Variants in FRMD3 observed in about 807,000 individuals in gnomAD.
FRMD3 encodes the protein FERM domain-containing protein 3.
A neutral mutation model predicts 70.2 loss-of-function variants in FRMD3; 33 were observed. The observed-to-expected ratio is 0.47, with a 90% CI of 0.36 to 0.63. The LOEUF (loss-of-function observed/expected upper bound fraction) is 0.63. Among genes scored for constraint, FRMD3 ranks in the 20% least tolerant of loss-of-function variants. The pLI, the probability that FRMD3 is intolerant of heterozygous loss-of-function variation, is 0.00. For synonymous variants in FRMD3, 279 were observed against 255.9 expected, an observed-to-expected ratio of 1.09 and a Z score of -0.86; for missense variants, 632 against 711.4, an observed-to-expected ratio of 0.89 and a Z score of 1.27.
chr9:83,522,567 T>A (rs1036211763), intron 1 of FRMD3, among the ~76,000 whole-genome samples: 171 of 14,222 alleles, frequency 0.012, no homozygotes, highest in Non-Finnish European at 0.018. Flanking sequence ...ATATATATAA[T>A]TTTTTTTTTT....
rs2118475814 is a variant in FRMD3 at position 83,246,818 on chromosome 9, A to C, written c.*1100T>G. 1 of 985,290 alleles carries C rather than the reference A, an allele frequency of 1.0e-6. No homozygotes were observed. The highest frequency in any genetic ancestry group is 1.7e-5 in the African/African-American group (1 of 57,350). 61.0% of individuals were successfully genotyped at this position (985,290 alleles called of 1,614,324 possible). A position where few individuals can be genotyped will look rare whatever the true frequency, so the allele number is the denominator to read the frequency against. The stretch of plus-strand genomic sequence containing the variant: ...CACTTAAACATGTTCATGTTAACTC[A>C]GACAGCGACTGCACTGCTCTTCACA... On this transcript the variant is annotated 3_prime_UTR_variant, in exon 14 of 14. Coordinates refer to ENST00000304195, the MANE Select transcript of FRMD3 (RefSeq NM_174938.6).
intron 6 of FRMD3, among the ~76,000 whole-genome samples, chr9:83,322,044 C>A (rs546323914): frequency 2.0e-5 from 3 of 152,034 alleles, no homozygotes; most frequent in African/African-American, 4.8e-5. Flanking sequence ...ACTCGGCCCA[C>A]GGTGGAGTGC....
At chr9:83,448,833 C>T (rs1479043278) in intron 1 of FRMD3, among the ~76,000 whole-genome samples, 2 of 152,182 alleles carry the variant, frequency 1.3e-5, no homozygotes, top group African/African-American at 2.4e-5. Flanking sequence ...GTTACCTCTT[C>T]GAATGCTTTT....
At chr9:83,461,576 A>G (rs1827971806) in intron 1 of FRMD3, among the ~76,000 whole-genome samples, 2 of 151,878 alleles carry the variant, frequency 1.3e-5, no homozygotes, top group East Asian at 1.9e-4. Flanking sequence ...AGGTCCAAGA[A>G]AAAGCAGCAT....
chr9:83,263,508 G>A (rs1311254476), intron 13 of FRMD3, among the ~76,000 whole-genome samples: 1 of 152,094 alleles, frequency 6.6e-6, no homozygotes, highest in Non-Finnish European at 1.5e-5. Context: ...GCAAAACGTT[G>A]GAAGAATTCC....
At chr9:83,459,126 C>G (rs1370242237) in intron 1 of FRMD3, among the ~76,000 whole-genome samples, 1 of 152,182 alleles carries the variant, frequency 6.6e-6, no homozygotes, top group Non-Finnish European at 1.5e-5. Flanking sequence ...TGTGTGACAT[C>G]ATGCAAGAGG....
intron 1 of FRMD3, among the ~76,000 whole-genome samples, chr9:83,528,161 C>G (rs1026150437): frequency 6.6e-6 from 1 of 152,136 alleles, no homozygotes; most frequent in Non-Finnish European, 1.5e-5. Context: ...GGTCTCAAAA[C>G]AAGACACAGC....
chr9:83,563,175 C>T, the FRMD3 span, among the ~76,000 whole-genome samples: 1 of 152,088 alleles, frequency 6.6e-6, no homozygotes, highest in Non-Finnish European at 1.5e-5. Flanking sequence ...AGTTCAGGGG[C>T]TTCCCAAGTT....
the FRMD3 span, among the ~76,000 whole-genome samples, chr9:83,563,050 A>G: frequency 2.0e-5 from 3 of 152,166 alleles, no homozygotes; most frequent in Admixed American, 1.3e-4. Flanking sequence ...AGACGCAAAG[A>G]TACGCAGTAT....
chr9:83,338,214 A>G (rs1823641282), intron 5 of FRMD3, among the ~76,000 whole-genome samples: 1 of 152,230 alleles, frequency 6.6e-6, no homozygotes, highest in Non-Finnish European at 1.5e-5. Context: ...GTTACTTTAT[A>G]CCTATAACAT....
intron 6 of FRMD3, among the ~76,000 whole-genome samples, chr9:83,318,660 G>T (rs1267282987): frequency 6.6e-6 from 1 of 151,962 alleles, no homozygotes; most frequent in Admixed American, 6.6e-5. Flanking sequence ...TATACACAAA[G>T]GGAAAATAGT....
chr9:83,556,002 C>T, the FRMD3 span, among the ~76,000 whole-genome samples: 2 of 152,170 alleles, frequency 1.3e-5, no homozygotes, highest in African/African-American at 4.8e-5. Flanking sequence ...TTTCTTCATT[C>T]TCTGTGGGTC....
At chr9:83,384,176 C>A (rs1825443145) in intron 2 of FRMD3, among the ~76,000 whole-genome samples, 1 of 152,192 alleles carries the variant, frequency 6.6e-6, no homozygotes, top group South Asian at 2.1e-4. Flanking sequence ...TCTTTAATAC[C>A]TTTTGAAACG....
chr9:83,469,273 G>A lies in FRMD3; in HGVS notation c.147+68812C>T, dbSNP rs1828208533. 2.0e-5 allele frequency among the ~76,000 whole-genome samples: 3 copies of A among 152,204 alleles called. No homozygotes were observed. In the South Asian group the frequency reaches 6.2e-4, roughly 31 times the overall value. ...GAGTGGTAAGTAGCAGTTCGCTGCT[G>A]AGGGTCTGCTATTCAGGTCACTCTA... On this transcript the variant is annotated intron_variant, in intron 1 of 13. Coordinates refer to ENST00000304195, the MANE Select transcript of FRMD3 (RefSeq NM_174938.6).
At chr9:83,374,059 C>A (rs1825067616) in intron 2 of FRMD3, among the ~76,000 whole-genome samples, 1 of 152,180 alleles carries the variant, frequency 6.6e-6, no homozygotes. Context: ...CCTACCACTC[C>A]ACTTACAAAT....
chr9:83,359,835 C>T (rs1157439630), intron 3 of FRMD3, among the ~76,000 whole-genome samples: 1 of 152,138 alleles, frequency 6.6e-6, no homozygotes, highest in African/African-American at 2.4e-5. Flanking sequence ...TGCGTAGAGA[C>T]CACAATGAGG....
intron 3 of FRMD3, among the ~76,000 whole-genome samples, chr9:83,370,464 A>G (rs1824935218): frequency 6.6e-6 from 1 of 152,200 alleles, no homozygotes; most frequent in Admixed American, 6.5e-5. Context: ...GGTGGTGGGT[A>G]AGACCCTTGC....
At chr9:83,530,461 T>C (rs777709915) in intron 1 of FRMD3, among the ~76,000 whole-genome samples, 18 of 152,144 alleles carry the variant, frequency 1.2e-4, no homozygotes, top group Non-Finnish European at 2.4e-4. Flanking sequence ...AGGAAGTAGA[T>C]TAGTGGTTGC....
chr9:83,366,629 G>C (rs894480221), intron 3 of FRMD3, among the ~76,000 whole-genome samples: 3 of 152,102 alleles, frequency 2.0e-5, no homozygotes, highest in Non-Finnish European at 4.4e-5. Flanking sequence ...GAAGTGACAA[G>C]ATTAAATGCT....
Sources: gnomAD v4.1 joint callset for allele counts (sites outside exome capture counted in the v4.1 genomes callset) on GRCh38, gnomAD v4.1.1 for gene constraint, MANE v1.5 for transcripts, NCBI Gene and HGNC (gene_info 2026-07-23, HGNC 2026-07-21) for gene names.